The following ATP5F1A variants were observed in gnomAD, a reference collection of about 807,000 sequenced individuals.
ATP5F1A encodes ATP synthase F1 subunit alpha, also known as ATP synthase F(1) complex subunit alpha, mitochondrial.
Under a neutral mutation model 57.4 loss-of-function variants are expected in ATP5F1A, and 24 were observed. The observed-to-expected ratio is 0.42, with a 90% CI of 0.30 to 0.59. The LOEUF is 0.59. ATP5F1A is among the 20% of genes least tolerant of loss of function. The pLI, the probability that ATP5F1A is intolerant of heterozygous loss-of-function variation, is 0.19. For synonymous variants in ATP5F1A, 251 were observed against 255.5 expected, an observed-to-expected ratio of 0.98 and a Z score of 0.17; for missense variants, 494 against 707.9, an observed-to-expected ratio of 0.70 and a Z score of 3.43.
chr18:46,096,982 C>CAAAAAAAAAAAAAAAAAAAAAAAAAAAA (rs71160709), intron 1 of ATP5F1A, among the ~76,000 whole-genome samples: 1 of 75,190 alleles, frequency 1.3e-5, no homozygotes, highest in African/African-American at 6.2e-5. Flanking sequence ...GACACCATCT[C>CAAAAAAAAAAAAAAAAAAAAAAAAAAAA]AAAAAAAAAA....
At chr18:46,086,006 G>T in intron 10 of ATP5F1A, 107 bp downstream of exon 10, 2 of 1,217,662 alleles carry the variant, frequency 1.6e-6, no homozygotes, top group East Asian at 2.5e-5. Context: ...AAAGATAACA[G>T]ATAACAACAC....
chr18:46,084,894 C>A, intron 10 of ATP5F1A: 1 of 393,806 alleles, frequency 2.5e-6, no homozygotes, highest in Non-Finnish European at 4.5e-6. Context: ...AGTCCATAAG[C>A]ACTGTTTATA....
In ATP5F1A at chr18:46,084,375, T is replaced by C. The variant is rs1909931701; in HGVS notation, c.1581-12A>G. 1 of 1,608,792 alleles carries C rather than the reference T, an allele frequency of 6.2e-7. No homozygotes were observed. Among genetic ancestry groups the C allele is most frequent in the East Asian group, 2.2e-5 (1 of 44,802 alleles). On this transcript the variant is annotated splice_polypyrimidine_tract_variant and intron_variant, in intron 11 of 11. Transcript: ENST00000398752. The stretch of plus-strand genomic sequence containing the variant: ...TCTTTCCATCAGCCCTATTTGGAAA[T>C]AAAAGCAGGTCGTAAGTTCTGACCT...
chr18:46,086,071 A>G (rs1250078402), intron 10 of ATP5F1A, 42 bp downstream of exon 10: 1 of 1,598,430 alleles, frequency 6.3e-7, no homozygotes, highest in South Asian at 1.1e-5. Context: ...AGACCCTGAT[A>G]CACAATAGGA....
rs1436207369 is a variant in ATP5F1A, at chr18:46,086,442, A to T, written c.1229T>A (p.Val410Asp). The T allele has an allele frequency of 6.2e-7, 1 of 1,614,200 alleles. No homozygotes were observed. The highest frequency in any genetic ancestry group is 1.1e-5 in the South Asian group (1 of 91,080). ...FYKGIRPAIN[V>D]GLSVSRVGSA... Reference sequence around the variant, plus strand: ...TCCGACACGAGATACAGACAGACCAACGTTAATTGCAGGGCGGATACCTTT... The same window carrying T: ...TCCGACACGAGATACAGACAGACCATCGTTAATTGCAGGGCGGATACCTTT... The change falls in exon 9 of 12, where the codon GTT (valine) becomes GAT (aspartate). Residue 410 changes from valine (V) to aspartate (D), a missense_variant. Val to Asp is a radical substitution (Grantham distance 152). Around this residue, in one of 6 missense-constraint regions of ATP5F1A, gnomAD observed 127 missense variants for 195.2 expected, o/e 0.65. Transcript: ENST00000398752.
At chr18:46,086,965 T>C (rs912333036) in intron 8 of ATP5F1A, 43 bp downstream of exon 8, 2 of 1,592,372 alleles carry the variant, frequency 1.3e-6, no homozygotes, top group African/African-American at 1.4e-5. Context: ...CTTAGAATTA[T>C]CCAAATCTTT....
chr18:46,103,053 G>T (rs1415718355), upstream of ATP5F1A, among the ~76,000 whole-genome samples: 1 of 152,170 alleles, frequency 6.6e-6, no homozygotes, highest in Non-Finnish European at 1.5e-5. Flanking sequence ...TGTAATCCTA[G>T]CTCTTTGAGA....
At chr18:46,090,625 ACT>A (rs1484994423) in intron 3 of ATP5F1A, among the ~76,000 whole-genome samples, 4 of 152,064 alleles carry the variant, frequency 2.6e-5, no homozygotes, top group Admixed American at 6.6e-5. Context: ...AATAATGAAA[ACT>A]CTGGAGAAGT....
intron 1 of ATP5F1A, among the ~76,000 whole-genome samples, chr18:46,096,191 G>A (rs1051426003): frequency 6.6e-6 from 1 of 152,036 alleles, no homozygotes; most frequent in African/African-American, 2.4e-5. Flanking sequence ...ACCCGGCCTG[G>A]CAGTCAGTAT....
At chr18:46,088,946 T>C (rs576685086) in intron 5 of ATP5F1A, among the ~76,000 whole-genome samples, 60 of 152,076 alleles carry the variant, frequency 3.9e-4, no homozygotes, top group African/African-American at 1.2e-3. Flanking sequence ...ACTGAGATGT[T>C]TGTGTAAAGT....
chr18:46,102,907 C>G (rs1407414585), upstream of ATP5F1A, among the ~76,000 whole-genome samples: 1 of 152,022 alleles, frequency 6.6e-6, no homozygotes, highest in East Asian at 1.9e-4. Context: ...GTGATCACCA[C>G]TATACTCCAG....
Position 46,098,228 on chromosome 18 carries a change from G to A in ATP5F1A, c.4C>T (p.Leu2=). 6.2e-7 allele frequency: 1 copy of A among 1,606,336 alleles called. No homozygotes were observed. Among genetic ancestry groups the A allele is most frequent in the Non-Finnish European group, 8.5e-7 (1 of 1,179,002 alleles). The change falls in exon 1 of 12, where the codon CTG becomes TTG. Residue 2 remains leucine, a synonymous_variant. Transcript: ENST00000398752. M[L]SVRVAAAVVR... is the part of the protein sequence containing the mutation. Reference sequence around the variant, plus strand: ...ACGGCCGCAGCAACGCGCACGGACAGCATCTTTGCAGTTACTCCGCAGGCG... The same window carrying A: ...ACGGCCGCAGCAACGCGCACGGACAACATCTTTGCAGTTACTCCGCAGGCG...
intron 1 of ATP5F1A, among the ~76,000 whole-genome samples, chr18:46,097,521 T>A (rs1208658458): frequency 6.6e-6 from 1 of 152,174 alleles, no homozygotes; most frequent in Non-Finnish European, 1.5e-5. Context: ...AAGCACACAC[T>A]CTGCCGGAGA....
chr18:46,088,376 C>T (rs1910282727), intron 5 of ATP5F1A, 119 bp from the exon 6 acceptor site: 7 of 982,988 alleles, frequency 7.1e-6, no homozygotes, highest in Non-Finnish European at 1.0e-5. Context: ...ACATAAGAAA[C>T]TCCATTTTGT....
At position 46,084,601 on chromosome 18, in the gene ATP5F1A, A is replaced by G. The variant is rs1156524484; in HGVS notation, c.1483T>C (p.Tyr495His). 2 of 1,612,210 alleles carry G rather than the reference A, an allele frequency of 1.2e-6. No homozygotes were observed. The highest frequency in any genetic ancestry group is 2.7e-5 in the African/African-American group (2 of 74,808). ...VAVIYAGVRG[Y>H]LDKLEPSKIT... The stretch of plus-strand genomic sequence containing the variant: ...TTGCTGGGCTCCAGTTTATCAAGAT[A>G]TCCCCTTACACCCGCATAGATAACA... Residue 495 changes from tyrosine (Y) to histidine (H), a missense_variant, in exon 11 of 12, where the codon TAT becomes CAT. By Grantham distance (83) the Tyr-to-His change is moderately conservative. This residue lies in a region of ATP5F1A where 127 missense variants were observed against 195.2 expected (regional missense o/e 0.65). Transcript: ENST00000398752.
At chr18:46,097,771 G>A (rs1911066585) in intron 1 of ATP5F1A, 2 of 1,006,212 alleles carry the variant, frequency 2.0e-6, no homozygotes, top group South Asian at 4.5e-5. Context: ...TTCAACAAGA[G>A]CTGACAGCAG....
At chr18:46,102,067 G>A (rs932302328), upstream of ATP5F1A, among the ~76,000 whole-genome samples, 11 of 151,270 alleles carry the variant, frequency 7.3e-5, no homozygotes, top group African/African-American at 2.2e-4. Flanking sequence ...CCAGCTACTC[G>A]GGAGGCTGAG....
intron 2 of ATP5F1A, chr18:46,092,121 G>A (rs1186679597): frequency 5.7e-6 from 1 of 175,650 alleles, no homozygotes. Flanking sequence ...AGGTTGCGGT[G>A]AGCTGAAATC....
chr18:46,085,792 G>A, intron 10 of ATP5F1A: 1 of 236,902 alleles, frequency 4.2e-6, no homozygotes. Context: ...AATTAGTCGG[G>A]CGTGGTGGCT....
Sources: gnomAD v4.1 joint callset for allele counts (sites outside exome capture counted in the v4.1 genomes callset) on GRCh38, gnomAD v4.1.1 for gene constraint, gnomAD v4.1.1 regional missense constraint, MANE v1.5 for transcripts, NCBI Gene and HGNC (gene_info 2026-07-23, HGNC 2026-07-21) for gene names.